UTRN: variants seen among roughly 807,000 people sequenced by gnomAD.
UTRN encodes utrophin.
In UTRN, 283 loss-of-function variants were observed where a neutral mutation model predicts 463.9. That is an observed-to-expected ratio of 0.61 (90% confidence interval 0.55 to 0.67). The LOEUF (loss-of-function observed/expected upper bound fraction) is 0.67, where lower values mean the gene tolerates loss of function less well. UTRN is among the 30% of genes least tolerant of loss of function. The pLI is 0.00. For missense variants in UTRN, 3,922 were observed against 4,084.3 expected (o/e 0.96, Z 1.08); for synonymous variants, 1,442 against 1,431.5 (o/e 1.01, Z -0.17).
At chr6:144,717,251 A>G (rs946363762) in intron 53 of UTRN, among the ~76,000 whole-genome samples, 1 of 152,250 alleles carries the variant, frequency 6.6e-6, no homozygotes, top group Non-Finnish European at 1.5e-5. Context: ...GTTTTGGAAT[A>G]TCAGACACCT....
At chr6:144,300,092 T>A (rs969643447) in intron 2 of UTRN, among the ~76,000 whole-genome samples, 27 of 151,984 alleles carry the variant, frequency 1.8e-4, no homozygotes, top group African/African-American at 6.5e-4. Context: ...TGTGATTTTT[T>A]TTTTTTTTTG....
At chr6:144,351,510 T>C (rs1778105945) in intron 2 of UTRN, among the ~76,000 whole-genome samples, 1 of 152,124 alleles carries the variant, frequency 6.6e-6, no homozygotes, top group South Asian at 2.1e-4. Flanking sequence ...TGCAGTTGTG[T>C]GGAGGATATC....
At chr6:144,643,721 C>T (rs777347504) in intron 51 of UTRN, among the ~76,000 whole-genome samples, 22 of 151,694 alleles carry the variant, frequency 1.5e-4, no homozygotes, top group South Asian at 2.1e-4. Flanking sequence ...CGCTTGAACC[C>T]GGGCGGTGGA....
intron 19 of UTRN, among the ~76,000 whole-genome samples, chr6:144,456,957 C>T (rs374976970): frequency 3.9e-5 from 6 of 152,212 alleles, no homozygotes; most frequent in African/African-American, 1.2e-4. Context: ...TCAAGTGAGA[C>T]TGAGTGGCAG....
chr6:144,729,633 A>G (rs1788304586), intron 53 of UTRN, among the ~76,000 whole-genome samples: 1 of 152,220 alleles, frequency 6.6e-6, no homozygotes, highest in Admixed American at 6.5e-5. Context: ...CTTATCTTGC[A>G]GCAGTCACTG....
At chr6:144,698,747 ATT>A (rs1408977140) in intron 52 of UTRN, among the ~76,000 whole-genome samples, 1 of 152,222 alleles carries the variant, frequency 6.6e-6, no homozygotes, top group African/African-American at 2.4e-5. Flanking sequence ...ATGTGCATAG[ATT>A]TATACTCCTA....
intron 51 of UTRN, among the ~76,000 whole-genome samples, chr6:144,621,657 A>T (rs535777811): frequency 7.9e-5 from 12 of 152,182 alleles, no homozygotes; most frequent in Non-Finnish European, 1.3e-4. Flanking sequence ...CTGATACTTA[A>T]TTAGGAAAGG....
intron 39 of UTRN, 87 bp downstream of exon 39, chr6:144,517,035 T>G: frequency 8.5e-7 from 1 of 1,174,424 alleles, no homozygotes; most frequent in Non-Finnish European, 1.1e-6. Flanking sequence ...CACAGATGCT[T>G]TAAAACACAC....
intron 3 of UTRN, among the ~76,000 whole-genome samples, chr6:144,409,973 A>G (rs1344605831): frequency 2.0e-5 from 3 of 152,140 alleles, no homozygotes. Flanking sequence ...GAGAAAGAAC[A>G]ATGAACACTT....
At chr6:144,592,424 G>A (rs1466519705) in intron 51 of UTRN, among the ~76,000 whole-genome samples, 3 of 151,790 alleles carry the variant, frequency 2.0e-5, no homozygotes, top group Admixed American at 1.3e-4. Flanking sequence ...AGGCTGGAGT[G>A]CAGTGGAGTA....
rs1293626529 is a variant in UTRN at position 144,286,140 on chromosome 6, C to G, written c.-93+319C>G. 6.6e-6 allele frequency among the ~76,000 whole-genome samples: 1 copy of G among 152,228 alleles called. No homozygotes were observed. The highest frequency in any genetic ancestry group is 1.5e-5 in the Non-Finnish European group (1 of 68,034). ...ACCAGCTCTGTGCTGCCTCCCTGCT[C>G]CCCTAATCTTCCTCCCCGCCGGGGT... On this transcript the variant is annotated intron_variant, in intron 1 of 74. Coordinates refer to ENST00000367545, the MANE Select transcript of UTRN (RefSeq NM_007124.3). This position sits in a 1 kb window ranked among gnomAD's most constrained non-coding sequence, Gnocchi z 4.4.
rs6915737 is a variant in UTRN, at chr6:144,470,437, C to T, written c.3067-3283C>T. Among the ~76,000 whole-genome samples, 1,077 of 152,038 alleles carry T rather than the reference C, an allele frequency of 7.1e-3. 17 individuals are homozygous for T. Among genetic ancestry groups the T allele is most frequent in the African/African-American group, 0.025 (1,027 of 41,458 alleles). ...CCTCAGTTCCCAGACGGGGTCGCGG[C>T]CGGGCAGAGGCGCTCCTCACATCCC... On this transcript the variant is annotated intron_variant, in intron 23 of 74. Transcript: ENST00000367545.
At chr6:144,604,174 G>T (rs375880844) in intron 51 of UTRN, among the ~76,000 whole-genome samples, 2 of 152,276 alleles carry the variant, frequency 1.3e-5, no homozygotes, top group East Asian at 3.9e-4. Flanking sequence ...GGTAAACCAT[G>T]CATGGCCATG....
intron 58 of UTRN, among the ~76,000 whole-genome samples, chr6:144,758,572 A>G (rs1054311970): frequency 6.6e-6 from 1 of 152,210 alleles, no homozygotes; most frequent in East Asian, 1.9e-4. Context: ...TCTGTTGTCC[A>G]GTTAGTTTCT....
intron 47 of UTRN, 119 bp from the exon 48 acceptor site, chr6:144,550,846 C>A: frequency 1.4e-6 from 1 of 719,516 alleles, no homozygotes; most frequent in Non-Finnish European, 2.1e-6. Context: ...GTTGCTGATG[C>A]TTCACTATGC....
intron 50 of UTRN, among the ~76,000 whole-genome samples, chr6:144,560,301 T>C (rs915674525): frequency 6.6e-6 from 1 of 152,138 alleles, no homozygotes; most frequent in African/African-American, 2.4e-5. Flanking sequence ...TGTCAGCCGT[T>C]GCTGACATTC....
chr6:144,466,116 A>AT (rs1412207504), intron 23 of UTRN, among the ~76,000 whole-genome samples: 1 of 152,174 alleles, frequency 6.6e-6, no homozygotes, highest in Non-Finnish European at 1.5e-5. Flanking sequence ...AATTCCAATC[A>AT]TTTTCCCCCA....
At chr6:144,818,422 C>T (rs1779271430) in intron 65 of UTRN, among the ~76,000 whole-genome samples, 1 of 152,146 alleles carries the variant, frequency 6.6e-6, no homozygotes, top group South Asian at 2.1e-4. Context: ...GGGTAAGGGG[C>T]CTGATGCCTT....
rs1255698775 is a variant in UTRN at position 144,488,845 on chromosome 6, G to A, written c.4134+11G>A. 2 of 1,576,032 alleles carry A rather than the reference G, an allele frequency of 1.3e-6. No individual in the cohort carries two copies. Among genetic ancestry groups the A allele is most frequent in the Non-Finnish European group, 1.7e-6 (2 of 1,157,202 alleles). ...CCACAGGAAGCTCAGGTATTGCCGT[G>A]CATTTGAGGGCTTTTGAGCTGTAAA... On this transcript the variant is annotated intron_variant, in intron 30 of 74. Transcript: ENST00000367545.
Sources: allele counts gnomAD v4.1 joint callset (sites outside exome capture counted in the v4.1 genomes callset), GRCh38; gene constraint gnomAD v4.1.1; non-coding constraint Gnocchi (gnomAD v3.1); transcripts MANE v1.5; gene names NCBI Gene and HGNC (gene_info 2026-07-23, HGNC 2026-07-21).